NKAIN3: variants seen among roughly 807,000 people sequenced by gnomAD.
NKAIN3 encodes sodium/potassium-transporting ATPase subunit beta-1-interacting protein 3.
In NKAIN3, 25 loss-of-function variants were observed where a neutral mutation model predicts 30.2. That is an observed-to-expected ratio of 0.83 (90% CI 0.60 to 1.16). NKAIN3 has a LOEUF of 1.16. Among genes scored for constraint, NKAIN3 ranks in the 50% most tolerant of loss-of-function variants. NKAIN3 has a pLI of 0.00. For missense variants in NKAIN3, 225 were observed against 254.1 expected, an observed-to-expected ratio of 0.89 and a Z score of 0.78; for synonymous variants, 91 against 89.6, an observed-to-expected ratio of 1.02 and a Z score of -0.09.
chr8:62,419,058 A>C (rs769114615), intron 1 of NKAIN3, among the ~76,000 whole-genome samples: 9 of 152,152 alleles, frequency 5.9e-5, no homozygotes, highest in Non-Finnish European at 1.0e-4. Flanking sequence ...AGCCAGTCTT[A>C]CTTCTATCTT....
intron 4 of NKAIN3, among the ~76,000 whole-genome samples, chr8:62,882,400 C>A (rs1470396758): frequency 6.6e-6 from 1 of 152,122 alleles, no homozygotes; most frequent in Non-Finnish European, 1.5e-5. Flanking sequence ...CTCAATGCAA[C>A]CTCCGCCTCC....
intron 5 of NKAIN3, chr8:62,990,275 G>A (rs1353756290): frequency 6.7e-7 from 1 of 1,481,944 alleles, no homozygotes; most frequent in East Asian, 2.5e-5. Flanking sequence ...CATCAGTCAA[G>A]CCTCATGTGC....
At chr8:62,579,463 C>CAGCCA (rs1251917450) in intron 1 of NKAIN3, 76 bp from the exon 2 acceptor site, 4 of 1,171,862 alleles carry the variant, frequency 3.4e-6, no homozygotes, top group Admixed American at 5.1e-5. Context: ...CAGACTCCTC[C>CAGCCA]AGCCATGAGA....
chr8:62,654,332 A>G (rs1033458334), intron 3 of NKAIN3, among the ~76,000 whole-genome samples: 2 of 152,112 alleles, frequency 1.3e-5, no homozygotes, highest in Admixed American at 1.3e-4. Flanking sequence ...AGTTAAGAAA[A>G]TCCAACGACT....
chr8:62,359,944 G>T, intron 1 of NKAIN3, among the ~76,000 whole-genome samples: 1 of 152,226 alleles, frequency 6.6e-6, no homozygotes, highest in Admixed American at 6.5e-5. Context: ...CGGTAAAAGA[G>T]GAGAGGTCCT....
At chr8:62,409,588 A>G (rs1804176840) in intron 1 of NKAIN3, among the ~76,000 whole-genome samples, 2 of 152,182 alleles carry the variant, frequency 1.3e-5, no homozygotes. Flanking sequence ...TTATACTTAG[A>G]AAGTTTTTCC....
At chr8:62,870,641 A>ATATATCTATATATAGATATC (rs1472893791) in intron 4 of NKAIN3, among the ~76,000 whole-genome samples, 1 of 100,634 alleles carries the variant, frequency 9.9e-6, no homozygotes, top group Non-Finnish European at 2.0e-5. Flanking sequence ...TCTATTTTAT[A>ATATATCTATATATAGATATC]TATATATCTA....
At chr8:62,289,462 G>C (rs1486310799) in intron 1 of NKAIN3, among the ~76,000 whole-genome samples, 1 of 152,098 alleles carries the variant, frequency 6.6e-6, no homozygotes, top group East Asian at 1.9e-4. Context: ...TCTACATATG[G>C]CTAGCCAGTT....
At chr8:62,402,802 A>G (rs1249276253) in intron 1 of NKAIN3, among the ~76,000 whole-genome samples, 1 of 152,174 alleles carries the variant, frequency 6.6e-6, no homozygotes, top group African/African-American at 2.4e-5. Context: ...TTGGTACCGC[A>G]AAAAGTGGGG....
intron 6 of NKAIN3, among the ~76,000 whole-genome samples, 160 bp from the exon 7 acceptor site, chr8:62,965,194 A>C (rs1823673717): frequency 6.6e-6 from 1 of 152,208 alleles, no homozygotes; most frequent in Admixed American, 6.5e-5. Flanking sequence ...TAATCTGAAA[A>C]GCAGGAAGGC....
chr8:62,790,867 A>T (rs114780186), intron 4 of NKAIN3, among the ~76,000 whole-genome samples: 3,774 of 152,096 alleles, frequency 0.025, 153 homozygotes, highest in African/African-American at 0.086. Flanking sequence ...TGGTCAGTAG[A>T]GCATTTATCT....
intron 4 of NKAIN3, among the ~76,000 whole-genome samples, chr8:62,837,803 G>A (rs1156397264): frequency 1.3e-5 from 2 of 151,994 alleles, no homozygotes; most frequent in East Asian, 3.9e-4. Context: ...ACTAGAATTT[G>A]CAAAGGTGAT....
rs143875791 is a variant in NKAIN3, at chr8:62,822,069, C to T, written c.471+74940C>T. On this transcript the variant is annotated intron_variant, in intron 4 of 6. Transcript: ENST00000623646. ...ATTTGAAGATTCATTTTTCTCATTACTGGTTTACAACCCAGTGTGAAGCTT... is the reference window on the plus strand; with the variant it reads ...ATTTGAAGATTCATTTTTCTCATTATTGGTTTACAACCCAGTGTGAAGCTT... Among the ~76,000 whole-genome samples, 9 of 152,220 alleles carry T rather than the reference C, an allele frequency of 5.9e-5. No homozygotes were observed. In the East Asian group the frequency reaches 1.7e-3, roughly 29 times the overall value.
intron 3 of NKAIN3, among the ~76,000 whole-genome samples, chr8:62,599,915 G>T (rs1389413688): frequency 6.6e-6 from 1 of 151,848 alleles, no homozygotes; most frequent in Non-Finnish European, 1.5e-5. Context: ...AGTTATTGCT[G>T]CTTGTTTGGA....
Position 62,414,793 on chromosome 8 carries a change from GA to G in NKAIN3, c.55-164743del, listed in dbSNP as rs1366714004. Among the ~76,000 whole-genome samples the G allele has an allele frequency of 1.8e-4, 28 of 151,704 alleles. 1 individual carries two copies. Among genetic ancestry groups the G allele is most frequent in the Middle Eastern group, 6.3e-3 (2 of 316 alleles). ...GGTTAGAGGTAATGAGAAAAATCAA[GA>G]AATATTAGGAAACATGTTATATACA... On this transcript the variant is annotated intron_variant, in intron 1 of 6. Coordinates refer to ENST00000623646, the MANE Select transcript of NKAIN3 (RefSeq NM_001304533.3).
At chr8:62,610,347 GAAAA>G (rs33941316) in intron 3 of NKAIN3, among the ~76,000 whole-genome samples, 1 of 135,464 alleles carries the variant, frequency 7.4e-6, no homozygotes, top group African/African-American at 2.6e-5. Flanking sequence ...CTCCGTCTCA[GAAAA>G]AAAAAAAAAA....
intron 1 of NKAIN3, among the ~76,000 whole-genome samples, chr8:62,491,007 C>T (rs73267325): frequency 0.017 from 2,551 of 152,268 alleles, 74 homozygotes; most frequent in African/African-American, 0.059. Flanking sequence ...TGCTCATTTT[C>T]TGATCATCTT....
intron 1 of NKAIN3, among the ~76,000 whole-genome samples, chr8:62,316,880 T>C (rs571216884): frequency 6.5e-4 from 99 of 152,338 alleles, no homozygotes; most frequent in African/African-American, 2.3e-3. Context: ...TTGAACTAGA[T>C]TACAGTCTAA....
At chr8:62,393,808 A>C (rs374874974) in intron 1 of NKAIN3, among the ~76,000 whole-genome samples, 2 of 152,126 alleles carry the variant, frequency 1.3e-5, no homozygotes, top group South Asian at 4.1e-4. Flanking sequence ...GACATTGCAC[A>C]TCTTTTTGTT....
Sources: gnomAD v4.1 joint callset for allele counts (sites outside exome capture counted in the v4.1 genomes callset) on GRCh38, gnomAD v4.1.1 for gene constraint, MANE v1.5 for transcripts, NCBI Gene and HGNC (gene_info 2026-07-23, HGNC 2026-07-21) for gene names.